UNC13B: variants seen among roughly 807,000 people sequenced by gnomAD.
UNC13B encodes unc-13 homolog B.
In UNC13B, 144 loss-of-function variants were observed where a neutral mutation model predicts 211.0. That is an observed-to-expected ratio of 0.68 (90% CI 0.60 to 0.78). The LOEUF is 0.78. Ranked by LOEUF, UNC13B falls within the 30% of genes least tolerant of loss-of-function variation. The pLI, the probability that UNC13B is intolerant of heterozygous loss-of-function variation, is 0.00. For missense variants in UNC13B, 1,777 were observed against 2,002.0 expected, an observed-to-expected ratio of 0.89 and a Z score of 2.14; for synonymous variants, 709 against 725.8, an observed-to-expected ratio of 0.98 and a Z score of 0.37.
chr9:35,249,091 T>A (rs1232450623), intron 6 of UNC13B, among the ~76,000 whole-genome samples: 1 of 152,230 alleles, frequency 6.6e-6, no homozygotes, highest in Non-Finnish European at 1.5e-5. Context: ...GTTGAATTGA[T>A]CCCTTTCCCA....
intron 7 of UNC13B, among the ~76,000 whole-genome samples, chr9:35,262,889 T>C (rs1225997464): frequency 1.3e-5 from 2 of 152,118 alleles, no homozygotes; most frequent in Non-Finnish European, 2.9e-5. Context: ...GCCGTGATCA[T>C]GCCACTGCAC....
rs1487406606 is a variant in UNC13B at position 35,306,687 on chromosome 9, C to T, written c.7283C>T (p.Ser2428Phe). The change falls in exon 9 of 40, where the codon TCT becomes TTT. Residue 2428 changes from serine (S) to phenylalanine (F), a missense_variant. Transcript: ENST00000635942. ...LPQILEPASS[S>F]PEPGCAGNLQ... ...CAGATCCTAGAGCCAGCCTCTTCCT[C>T]TCCAGAGCCAGGGTGTGCAGGGAAC... The T allele has an allele frequency of 2.5e-6, 1 of 398,970 alleles. No homozygotes were observed. Among genetic ancestry groups the T allele is most frequent in the Admixed American group, 4.4e-5 (1 of 22,712 alleles). 24.7% of individuals were successfully genotyped at this position (398,970 alleles called of 1,614,324 possible).
At position 35,370,308 on chromosome 9, in the gene UNC13B, C is replaced by G; in HGVS notation, c.9462-10C>G. The G allele has an allele frequency of 6.2e-7, 1 of 1,613,402 alleles. No individual in the cohort carries two copies. The highest frequency in any genetic ancestry group is 8.5e-7 in the Non-Finnish European group (1 of 1,179,648). On this transcript the variant is annotated splice_polypyrimidine_tract_variant and intron_variant, in intron 12 of 39. Transcript: ENST00000635942. ...ACTGACGGTCCTGACATATTTTCTT[C>G]TCTCCTCAGGCCAGCCGGAGGGCTC...
At chr9:35,334,560 C>T (rs890971675) in intron 11 of UNC13B, among the ~76,000 whole-genome samples, 1 of 152,152 alleles carries the variant, frequency 6.6e-6, no homozygotes, top group Non-Finnish European at 1.5e-5. Flanking sequence ...AGGGAAGACC[C>T]CATTCCTGGC....
Position 35,295,743 on chromosome 9 carries a change from C to A in UNC13B, c.574C>A (p.Arg192Ser), listed in dbSNP as rs139333262. ...SAVDDRDSDY[R>S]SETSNSFPPP... ...CGTCGATGACCGAGATAGTGACTAT[C>A]GCAGTGAGACCAGCAACAGCTTCCC... Residue 192 changes from arginine (R) to serine (S), a missense_variant, in exon 8 of 40, where the codon CGC becomes AGC. Coordinates refer to ENST00000635942, the MANE Select transcript of UNC13B (RefSeq NM_001371189.2). 3.1e-6 allele frequency: 5 copies of A among 1,614,154 alleles called. No homozygotes were observed. The highest frequency in any genetic ancestry group is 3.4e-6 in the Non-Finnish European group (4 of 1,180,034).
At chr9:35,402,305 G>A (rs1341305959) in intron 37 of UNC13B, among the ~76,000 whole-genome samples, 3 of 144,890 alleles carry the variant, frequency 2.1e-5, no homozygotes, top group African/African-American at 7.8e-5. Flanking sequence ...TTTTTGAGAC[G>A]GAGTCTCGCT....
At chr9:35,192,603 G>A (rs540563553) in intron 1 of UNC13B, among the ~76,000 whole-genome samples, 2 of 152,196 alleles carry the variant, frequency 1.3e-5, no homozygotes, top group Admixed American at 1.3e-4. Context: ...GAATAAGGGG[G>A]ATCCTTAGAT....
chr9:35,356,158 A>G (rs1051367220), intron 11 of UNC13B, among the ~76,000 whole-genome samples: 2 of 152,044 alleles, frequency 1.3e-5, no homozygotes, highest in Non-Finnish European at 2.9e-5. Context: ...GTGCTCCAGC[A>G]CTCCCTTGCA....
intron 1 of UNC13B, among the ~76,000 whole-genome samples, chr9:35,221,048 T>C (rs567462013): frequency 6.6e-6 from 1 of 152,276 alleles, no homozygotes; most frequent in South Asian, 2.1e-4. Flanking sequence ...TTGCCATTTG[T>C]GTGTCTGTCT....
rs1254359117 is a variant in UNC13B at position 35,380,453 on chromosome 9, G to A, written c.10206-17G>A. On this transcript the variant is annotated splice_polypyrimidine_tract_variant and intron_variant, in intron 17 of 39. Transcript: ENST00000635942. ...ACTGGGTCTGCCCCTAACAGAGCCT[G>A]CCTAATTCTCTCACAGTGAGTGCCA... is the stretch of plus-strand genomic sequence containing the variant. 2 of 1,612,774 alleles carry A rather than the reference G, an allele frequency of 1.2e-6. No homozygotes were observed. The highest frequency in any genetic ancestry group is 1.3e-5 in the African/African-American group (1 of 75,034).
At chr9:35,186,476 C>T (rs143475775) in intron 1 of UNC13B, among the ~76,000 whole-genome samples, 1 of 152,270 alleles carries the variant, frequency 6.6e-6, no homozygotes, top group East Asian at 1.9e-4. Flanking sequence ...GCGGTAAATA[C>T]CTGGGGTTTG....
chr9:35,377,658 T>C lies in UNC13B; in HGVS notation c.10026T>C (p.Asp3342=). 1 of 1,614,152 alleles carries C rather than the reference T, an allele frequency of 6.2e-7. No homozygotes were observed. The highest frequency in any genetic ancestry group is 1.7e-5 in the Admixed American group (1 of 60,016). ...AAACAGTGAAGCAGAGTGTACTGGA[T>C]GGCACCTCCAAATGGTCAGCCAAGA... ...QMKTVKQSVL[D]GTSKWSAKIT... The change falls in exon 16 of 40, where the codon GAT becomes GAC. Residue 3342 remains aspartate, a synonymous_variant. Transcript: ENST00000635942.
At chr9:35,335,314 A>G (rs1831592244) in intron 11 of UNC13B, among the ~76,000 whole-genome samples, 7 of 152,208 alleles carry the variant, frequency 4.6e-5, no homozygotes. Context: ...TTGCAAGCAT[A>G]TGCCATGGGG....
At chr9:35,200,075 C>A (rs1409904177) in intron 1 of UNC13B, among the ~76,000 whole-genome samples, 1 of 152,140 alleles carries the variant, frequency 6.6e-6, no homozygotes, top group Admixed American at 6.6e-5. Flanking sequence ...CCAGTTTTCC[C>A]AGCACCATTT....
chr9:35,217,638 C>T (rs1020153333), intron 1 of UNC13B, among the ~76,000 whole-genome samples: 1 of 152,140 alleles, frequency 6.6e-6, no homozygotes, highest in Admixed American at 6.5e-5. Flanking sequence ...ATCCGCCCGC[C>T]TCGGCCTCCC....
At chr9:35,171,689 C>G (rs772274318) in intron 1 of UNC13B, among the ~76,000 whole-genome samples, 11 of 152,208 alleles carry the variant, frequency 7.2e-5, no homozygotes, top group Non-Finnish European at 1.3e-4. Flanking sequence ...CATGCATGAG[C>G]CACTGTTCCC....
intron 11 of UNC13B, among the ~76,000 whole-genome samples, chr9:35,321,189 A>G (rs1830719780): frequency 6.6e-6 from 1 of 152,084 alleles, no homozygotes; most frequent in Non-Finnish European, 1.5e-5. Flanking sequence ...ATTCTCTTAT[A>G]TAGGTATTTT....
chr9:35,192,020 C>T (rs1009097547), intron 1 of UNC13B, among the ~76,000 whole-genome samples: 7 of 152,178 alleles, frequency 4.6e-5, no homozygotes, highest in Non-Finnish European at 8.8e-5. Flanking sequence ...AATCCTTATC[C>T]CTTTTGCCAG....
At chr9:35,299,534 T>A (rs1183886796) in intron 8 of UNC13B, among the ~76,000 whole-genome samples, 1 of 152,192 alleles carries the variant, frequency 6.6e-6, no homozygotes, top group African/African-American at 2.4e-5. Context: ...GTTTCATTTT[T>A]TTCATTTGTT....
Sources: allele counts gnomAD v4.1 joint callset (sites outside exome capture counted in the v4.1 genomes callset), GRCh38; gene constraint gnomAD v4.1.1; transcripts MANE v1.5; gene names NCBI Gene and HGNC (gene_info 2026-07-23, HGNC 2026-07-21).